The following MGARP variants were observed in gnomAD, a reference collection of about 807,000 sequenced individuals.
MGARP encodes the protein mitochondria localized glutamic acid rich protein, also known as protein MGARP.
In MGARP, 12 loss-of-function variants were observed where a neutral mutation model predicts 11.0. The ratio of observed to expected loss-of-function variants is 1.09; its 90% CI spans 0.70 to 1.77. The LOEUF (loss-of-function observed/expected upper bound fraction) is 1.77, where lower values mean the gene tolerates loss of function less well. Among genes scored for constraint, MGARP ranks in the 40% most tolerant of loss-of-function variants. MGARP has a pLI of 0.00. For synonymous variants in MGARP, 110 were observed against 115.4 expected, an observed-to-expected ratio of 0.95 and a Z score of 0.30; for missense variants, 283 against 297.8, an observed-to-expected ratio of 0.95 and a Z score of 0.36.
intron 2 of MGARP, 88 bp downstream of exon 2, chr4:139,275,201 C>A: frequency 9.8e-7 from 1 of 1,020,698 alleles, no homozygotes; most frequent in South Asian, 1.4e-5. Flanking sequence ...TAATTAATCT[C>A]ATGTCCTGAT....
chr4:139,275,904 T>C (rs1420289070), intron 1 of MGARP, among the ~76,000 whole-genome samples: 1 of 152,230 alleles, frequency 6.6e-6, no homozygotes. Flanking sequence ...GAAAGAAATC[T>C]CAATTTTTCT....
rs74580010 is a variant in MGARP at position 139,268,615 on chromosome 4, A to G, written c.280+57T>C. The G allele has an allele frequency of 1.3e-3, 1,584 of 1,235,944 alleles. 21 individuals are homozygous for G. In the African/African-American group the frequency reaches 0.022, roughly 17 times the overall value. 76.6% of individuals were successfully genotyped at this position (1,235,944 alleles called of 1,614,324 possible). On this transcript the variant is annotated intron_variant, in intron 3 of 3. Transcript: ENST00000398955. ...TAGTGTTCATTGCTAGACTAAGTGG[A>G]TGGAAATTAGTGCCTCAAAAAATAA...
chr4:139,277,540 TAAATAC>T (rs1472467873), intron 1 of MGARP, among the ~76,000 whole-genome samples: 1 of 152,112 alleles, frequency 6.6e-6, no homozygotes, highest in Admixed American at 6.6e-5. Flanking sequence ...TAAGTAGACT[TAAATAC>T]AAATACAATG....
At chr4:139,278,158 C>T (rs1234430122) in intron 1 of MGARP, among the ~76,000 whole-genome samples, 4 of 151,880 alleles carry the variant, frequency 2.6e-5, no homozygotes, top group African/African-American at 9.7e-5. Context: ...ATCCGGGAGG[C>T]GGAGGTTGTG....
At chr4:139,269,629 TC>T (rs1744748343) in intron 2 of MGARP, among the ~76,000 whole-genome samples, 1 of 67,698 alleles carries the variant, frequency 1.5e-5, no homozygotes. Context: ...AGACTCCATC[TC>T]AAAAAAAAAA....
Position 139,275,222 on chromosome 4 carries a change from C to T in MGARP, c.186+67G>A, listed in dbSNP as rs540829796. On this transcript the variant is annotated intron_variant, in intron 2 of 3. Transcript: ENST00000398955. ...ATCTCATGTCCTGATCTTGACGTTG[C>T]TTTGAGCTTTACCATGAGTTGTAAA... 5.3e-6 allele frequency: 7 copies of T among 1,319,372 alleles called. No homozygotes were observed. In the African/African-American group the frequency reaches 5.8e-5, roughly 11 times the overall value. 81.7% of individuals were successfully genotyped at this position (1,319,372 alleles called of 1,614,324 possible).
In MGARP at chr4:139,280,109, G is replaced by A. The variant is rs1382515685; in HGVS notation, c.50C>T (p.Ala17Val). 2.5e-6 allele frequency: 4 copies of A among 1,611,802 alleles called. No homozygotes were observed. Among genetic ancestry groups the A allele is most frequent in the Non-Finnish European group, 3.4e-6 (4 of 1,179,632 alleles). ...TCCGAGCGGCGCGGGGTTGGGGGGCGCCCTCAGCGGCAGCGCCAGAGTCTT... is the reference window on the plus strand; with the variant it reads ...TCCGAGCGGCGCGGGGTTGGGGGGCACCCTCAGCGGCAGCGCCAGAGTCTT... ...VSKTLALPLR[A>V]PPNPAPLGKD... Residue 17 changes from alanine to valine, a missense_variant, in exon 1 of 4, where the codon GCG (alanine) becomes GTG (valine). Physicochemically the swap from Ala to Val is moderately conservative, Grantham distance 64. Transcript: ENST00000398955.
At chr4:139,270,923 A>G (rs1744771058) in intron 2 of MGARP, among the ~76,000 whole-genome samples, 1 of 152,176 alleles carries the variant, frequency 6.6e-6, no homozygotes. Flanking sequence ...CATTCCAGGA[A>G]CAACATTCCA....
At chr4:139,271,211 G>T (rs1197955484) in intron 2 of MGARP, among the ~76,000 whole-genome samples, 3 of 152,142 alleles carry the variant, frequency 2.0e-5, no homozygotes, top group Non-Finnish European at 4.4e-5. Flanking sequence ...TTATAAGCCA[G>T]TCTGGTACTA....
intron 1 of MGARP, among the ~76,000 whole-genome samples, chr4:139,279,461 C>T (rs1404887464): frequency 6.6e-6 from 1 of 152,150 alleles, no homozygotes; most frequent in Non-Finnish European, 1.5e-5. Flanking sequence ...TCCCGAAGGC[C>T]GCTTCCTTTT....
chr4:139,267,154 G>A lies in MGARP; in HGVS notation c.281-113C>T, dbSNP rs993635401. The A allele has an allele frequency of 6.0e-6, 6 of 995,208 alleles. No homozygotes were observed. The African/African-American group carries it at 8.1e-5, about 13-fold the overall frequency. The allele number at this position is 995,208 out of a possible 1,614,324, so 61.6% of individuals were successfully genotyped here. On this transcript the variant is annotated intron_variant, in intron 3 of 3. Transcript: ENST00000398955. ...GAACTACATGCACTGATGTGTAACA[G>A]TCTTCAAGGTAGACTCTCAAGTGAA...
chr4:139,270,352 G>A (rs1744760261), intron 2 of MGARP, among the ~76,000 whole-genome samples: 2 of 151,246 alleles, frequency 1.3e-5, no homozygotes, highest in Non-Finnish European at 2.9e-5. Flanking sequence ...GGTCAAGCCT[G>A]TAATCGCAGC....
Position 139,272,861 on chromosome 4 carries a change from T to C in MGARP, c.186+2428A>G, listed in dbSNP as rs1023241388. ...CCACCACGCCCGGCTAATTTTTGTA[T>C]TTTTAGTAGAAATGGGGTTTCACCA... is the stretch of plus-strand genomic sequence containing the variant. On this transcript the variant is annotated intron_variant, in intron 2 of 3. Transcript: ENST00000398955. 2.0e-5 allele frequency among the ~76,000 whole-genome samples: 3 copies of C among 151,712 alleles called. No homozygotes were observed. In the South Asian group the frequency reaches 6.3e-4, roughly 32 times the overall value.
chr4:139,276,517 C>A (rs1744876510), intron 1 of MGARP, among the ~76,000 whole-genome samples: 3 of 151,988 alleles, frequency 2.0e-5, no homozygotes, highest in Admixed American at 1.3e-4. Context: ...GATTCGTGAC[C>A]CAGAAGGTAC....
At chr4:139,268,505 C>T (rs1744730046) in intron 3 of MGARP, among the ~76,000 whole-genome samples, 167 bp downstream of exon 3, 1 of 152,168 alleles carries the variant, frequency 6.6e-6, no homozygotes, top group South Asian at 2.1e-4. Flanking sequence ...CAGTGTTCTT[C>T]AGGTTTCAGT....
At position 139,266,680 on chromosome 4, in the gene MGARP, T is replaced by C. The variant is rs781508793; in HGVS notation, c.642A>G (p.Pro214=). The change falls in exon 4 of 4, where the codon CCA becomes CCG. Residue 214 remains proline (P), a synonymous_variant. Transcript: ENST00000398955. ...CTCCAGCAGAGGACTCTGACTCAGC[T>C]GGAGAATTTTCTTCTTCTAGTTCAG... ...EYAELEEENS[P]AESESSAGDD... is the part of the protein sequence containing the mutation. 4 of 1,614,084 alleles carry C rather than the reference T, an allele frequency of 2.5e-6. No homozygotes were observed. The East Asian group carries it at 8.9e-5, about 36-fold the overall frequency.
intron 2 of MGARP, among the ~76,000 whole-genome samples, chr4:139,269,312 G>C (rs989727182): frequency 2.0e-5 from 3 of 152,124 alleles, no homozygotes; most frequent in Non-Finnish European, 4.4e-5. Flanking sequence ...AATGTTCATG[G>C]TACCTTTATT....
chr4:139,269,595 C>T (rs1744747723), intron 2 of MGARP, among the ~76,000 whole-genome samples: 1 of 143,220 alleles, frequency 7.0e-6, no homozygotes, highest in African/African-American at 2.6e-5. Context: ...CATGCCATTG[C>T]ACTCCACCCT....
In MGARP at chr4:139,266,549, T is replaced by A; in HGVS notation, c.*50A>T. The A allele has an allele frequency of 6.6e-7, 1 of 1,509,700 alleles. No homozygotes were observed. The allele number at this position is 1,509,700 out of a possible 1,614,324, so 93.5% of individuals were successfully genotyped here. On this transcript the variant is annotated 3_prime_UTR_variant, in exon 4 of 4. Transcript: ENST00000398955. ...AAGTGTACTAAAAACACAAAAGCACTTATCAGACACCCTATGGCATTTGTT... is the reference window on the plus strand; with the variant it reads ...AAGTGTACTAAAAACACAAAAGCACATATCAGACACCCTATGGCATTTGTT...
Sources: gnomAD v4.1 joint callset for allele counts (sites outside exome capture counted in the v4.1 genomes callset) on GRCh38, gnomAD v4.1.1 for gene constraint, MANE v1.5 for transcripts, NCBI Gene and HGNC (gene_info 2026-07-23, HGNC 2026-07-21) for gene names.